SYNPR: variants seen among roughly 807,000 people sequenced by gnomAD.
SYNPR encodes the protein synaptoporin.
A neutral mutation model predicts 32.9 loss-of-function variants in SYNPR; 23 were observed. That is an observed-to-expected ratio of 0.70 (90% CI 0.50 to 0.99). SYNPR has a LOEUF of 0.99. Among genes scored for constraint, SYNPR ranks in the 50% least tolerant of loss-of-function variants. SYNPR has a pLI of 0.00. For missense variants in SYNPR, 318 were observed against 349.3 expected (o/e 0.91, Z 0.71); for synonymous variants, 146 against 135.9 (o/e 1.07, Z -0.52).
chr3:63,364,830 C>T (rs757444179), intron 2 of SYNPR, among the ~76,000 whole-genome samples: 16 of 151,900 alleles, frequency 1.1e-4, no homozygotes, highest in Non-Finnish European at 1.9e-4. Flanking sequence ...GGATGTGGGA[C>T]GTGGGATGTG....
intron 5 of SYNPR, among the ~76,000 whole-genome samples, chr3:63,613,951 C>G (rs922405897): frequency 6.6e-6 from 1 of 152,144 alleles, no homozygotes; most frequent in Non-Finnish European, 1.5e-5. Flanking sequence ...CATTCATGTG[C>G]TGCTAAAATA....
the SYNPR span, among the ~76,000 whole-genome samples, chr3:63,210,991 A>C: frequency 6.6e-6 from 1 of 152,216 alleles, no homozygotes; most frequent in Non-Finnish European, 1.5e-5. Flanking sequence ...GCTTGCTGCC[A>C]CTATTAGCCT....
intron 3 of SYNPR, among the ~76,000 whole-genome samples, chr3:63,494,434 C>T (rs1482920728): frequency 2.9e-4 from 30 of 102,636 alleles, no homozygotes; most frequent in Admixed American, 5.0e-4. Context: ...TATATATATA[C>T]GTATATATAT....
chr3:63,349,496 A>G (rs1282107754), intron 2 of SYNPR, among the ~76,000 whole-genome samples: 1 of 152,190 alleles, frequency 6.6e-6, no homozygotes, highest in Non-Finnish European at 1.5e-5. Flanking sequence ...TATTTCTTTT[A>G]TAATTTTCTT....
At chr3:63,220,703 A>C in the SYNPR span, among the ~76,000 whole-genome samples, 3 of 152,204 alleles carry the variant, frequency 2.0e-5, no homozygotes, top group African/African-American at 7.2e-5. Flanking sequence ...TCATAGAACC[A>C]GCCTCATTGC....
intron 2 of SYNPR, among the ~76,000 whole-genome samples, chr3:63,319,525 CTAATAT>C (rs141944027): frequency 0.036 from 5,523 of 151,818 alleles, 311 homozygotes; most frequent in African/African-American, 0.13. Flanking sequence ...ACAATAGCAA[CTAATAT>C]TAATAAGATA....
chr3:63,299,064 T>C lies in SYNPR; in HGVS notation c.84+20322T>C, dbSNP rs137856889. Among the ~76,000 whole-genome samples the C allele has an allele frequency of 3.6e-3, 542 of 152,310 alleles. 6 individuals are homozygous for C. Among genetic ancestry groups the C allele is most frequent in the Non-Finnish European group, 3.9e-3 (268 of 68,020 alleles). On this transcript the variant is annotated intron_variant, in intron 2 of 5. Coordinates refer to ENST00000478300, the MANE Select transcript of SYNPR (RefSeq NM_001130003.2). ...AGTTGCTGCATTCTCCACCTTGCTTTGTCTGAGCTTATATTAAAAAAATAG... is the reference window on the plus strand; with the variant it reads ...AGTTGCTGCATTCTCCACCTTGCTTCGTCTGAGCTTATATTAAAAAAATAG...
At chr3:63,202,355 T>C in the SYNPR span, among the ~76,000 whole-genome samples, 1 of 152,128 alleles carries the variant, frequency 6.6e-6, no homozygotes, top group Non-Finnish European at 1.5e-5. Flanking sequence ...TTCATAAATA[T>C]TTTCTCCACA....
At chr3:63,495,934 C>T (rs1198025384) in intron 3 of SYNPR, among the ~76,000 whole-genome samples, 3 of 140,098 alleles carry the variant, frequency 2.1e-5, no homozygotes, top group African/African-American at 8.2e-5. Flanking sequence ...AAGAGTGAGC[C>T]CAGATATGAA....
intron 2 of SYNPR, among the ~76,000 whole-genome samples, chr3:63,374,106 A>AC (rs2087853273): frequency 6.6e-6 from 1 of 151,974 alleles, no homozygotes; most frequent in African/African-American, 2.4e-5. Flanking sequence ...AAAGGCCAAT[A>AC]CCAGCCACTA....
In SYNPR at chr3:63,237,476, C is replaced by A. The variant is rs180850839; in HGVS notation, n.66+9096C>A. On this transcript the variant is annotated intron_variant and non_coding_transcript_variant, in intron 1 of 4. Transcript: ENST00000478456. ...GAGAATGTATAATTTGTTGTTACAGCGTTCTTATGATGACTGCTTTAAAAT... is the reference window on the plus strand; with the variant it reads ...GAGAATGTATAATTTGTTGTTACAGAGTTCTTATGATGACTGCTTTAAAAT... Among the ~76,000 whole-genome samples the A allele has an allele frequency of 5.3e-5, 8 of 151,954 alleles. No individual in the cohort carries two copies. The East Asian group carries it at 1.5e-3, about 29-fold the overall frequency.
chr3:63,228,919 C>T (rs1277570842), intron 1 of SYNPR, among the ~76,000 whole-genome samples: 2 of 150,610 alleles, frequency 1.3e-5, no homozygotes, highest in East Asian at 3.9e-4. Context: ...GATGCTATTT[C>T]ATGCGCTTCT....
chr3:63,507,671 A>G (rs1701615489), intron 3 of SYNPR, among the ~76,000 whole-genome samples: 1 of 152,208 alleles, frequency 6.6e-6, no homozygotes, highest in South Asian at 2.1e-4. Flanking sequence ...AAACTTGAAT[A>G]AAGTCTGTAG....
intron 3 of SYNPR, among the ~76,000 whole-genome samples, chr3:63,527,153 G>A (rs1232138863): frequency 6.6e-6 from 1 of 152,112 alleles, no homozygotes; most frequent in Non-Finnish European, 1.5e-5. Context: ...ACAAACCCAG[G>A]CGGAATAGTA....
At chr3:63,599,798 T>C (rs763037410) in intron 4 of SYNPR, among the ~76,000 whole-genome samples, 3 of 152,232 alleles carry the variant, frequency 2.0e-5, no homozygotes, top group Non-Finnish European at 4.4e-5. Flanking sequence ...TGCAATTTTC[T>C]TCTATCAGTG....
At chr3:63,278,862 G>T in intron 2 of SYNPR, 120 bp downstream of exon 2, 1 of 1,153,782 alleles carries the variant, frequency 8.7e-7, no homozygotes, top group Non-Finnish European at 1.2e-6. Context: ...CCCTCAAGCC[G>T]GGGATTTCAA....
At chr3:63,277,638 G>A (rs1000817253), upstream of SYNPR, among the ~76,000 whole-genome samples, 1 of 152,114 alleles carries the variant, frequency 6.6e-6, no homozygotes, top group Non-Finnish European at 1.5e-5. Context: ...CTGGCGCATG[G>A]TCCCACATTC....
At chr3:63,271,762 A>G (rs950102742) in intron 3 of SYNPR, among the ~76,000 whole-genome samples, 1 of 152,116 alleles carries the variant, frequency 6.6e-6, no homozygotes, top group African/African-American at 2.4e-5. Context: ...GCTGTATTAT[A>G]TAATCCTAGG....
At chr3:63,352,193 G>C (rs2087518964) in intron 2 of SYNPR, among the ~76,000 whole-genome samples, 1 of 152,150 alleles carries the variant, frequency 6.6e-6, no homozygotes, top group African/African-American at 2.4e-5. Flanking sequence ...AGGTGAGCAG[G>C]AGTTGATCAT....
Sources: gnomAD v4.1 joint callset for allele counts (sites outside exome capture counted in the v4.1 genomes callset) on GRCh38, gnomAD v4.1.1 for gene constraint, MANE v1.5 for transcripts, NCBI Gene and HGNC (gene_info 2026-07-23, HGNC 2026-07-21) for gene names.